The following CCDC171 variants were observed in gnomAD, a reference collection of about 807,000 sequenced individuals.
CCDC171 encodes the protein coiled-coil domain containing 171, also known as coiled-coil domain-containing protein 171.
CCDC171 carries 177 observed loss-of-function variants against 168.2 expected under a neutral mutation model. The ratio of observed to expected loss-of-function variants is 1.05; its 90% CI spans 0.93 to 1.19. CCDC171 has a LOEUF of 1.19. CCDC171 is among the 50% of genes most tolerant of loss of function. The pLI is 0.00. For synonymous variants in CCDC171, 687 were observed against 540.8 expected (o/e 1.27, Z -3.75); for missense variants, 1,991 against 1,539.0 (o/e 1.29, Z -4.91).
chr9:15,692,461 C>A (rs1488625077), intron 10 of CCDC171, among the ~76,000 whole-genome samples: 1 of 151,446 alleles, frequency 6.6e-6, no homozygotes, highest in African/African-American at 2.4e-5. Flanking sequence ...GAAAAAGGTT[C>A]TACAATGAAA....
intron 6 of CCDC171, among the ~76,000 whole-genome samples, chr9:15,617,685 G>A (rs919309910): frequency 1.3e-5 from 2 of 152,022 alleles, no homozygotes; most frequent in South Asian, 4.2e-4. Flanking sequence ...CTGTGGGGGG[G>A]GTTCTTGATG....
chr9:16,098,099 A>G, the CCDC171 span, among the ~76,000 whole-genome samples: 1 of 152,204 alleles, frequency 6.6e-6, no homozygotes, highest in Non-Finnish European at 1.5e-5. Context: ...AATGCAATCC[A>G]TTAGTTATTG....
chr9:15,611,755 A>G (rs2043714589), intron 6 of CCDC171, among the ~76,000 whole-genome samples: 1 of 152,140 alleles, frequency 6.6e-6, no homozygotes, highest in Non-Finnish European at 1.5e-5. Context: ...AGGCAACCCG[A>G]GAGTGTAAAG....
At chr9:16,029,177 T>A (rs10810518) in intron 6 of CCDC171, among the ~76,000 whole-genome samples, 56,578 of 151,838 alleles carry the variant, frequency 0.37, 12,435 homozygotes, top group East Asian at 0.66. Context: ...GAGAGAGAGG[T>A]CTTAGAAGGG....
intron 7 of CCDC171, among the ~76,000 whole-genome samples, chr9:15,625,967 A>C (rs995678063): frequency 2.0e-5 from 3 of 152,114 alleles, no homozygotes; most frequent in Admixed American, 1.3e-4. Context: ...ATGTTCTTCC[A>C]TTTGTTTGTG....
chr9:15,682,727 C>G (rs898388567), intron 10 of CCDC171, among the ~76,000 whole-genome samples: 4 of 151,716 alleles, frequency 2.6e-5, no homozygotes, highest in Admixed American at 2.0e-4. Flanking sequence ...CATCCAAGGA[C>G]TTAACAAATT....
At chr9:16,093,178 A>G in the CCDC171 span, among the ~76,000 whole-genome samples, 1 of 152,226 alleles carries the variant, frequency 6.6e-6, no homozygotes, top group African/African-American at 2.4e-5. Context: ...TAAAAGAAAA[A>G]CGGCTTTGTT....
intron 19 of CCDC171, among the ~76,000 whole-genome samples, chr9:15,778,665 A>AAG (rs1483818571): frequency 3.3e-5 from 5 of 149,986 alleles, no homozygotes; most frequent in East Asian, 3.9e-4. Flanking sequence ...AAAAAAAAAA[A>AAG]GGCATGACAT....
chr9:15,934,314 C>T (rs1826854918), intron 25 of CCDC171, among the ~76,000 whole-genome samples: 1 of 146,198 alleles, frequency 6.8e-6, no homozygotes, highest in Non-Finnish European at 1.5e-5. Flanking sequence ...TGCTTGAGCC[C>T]AGGAATTGAA....
chr9:15,647,433 C>A (rs1359375397), intron 7 of CCDC171, among the ~76,000 whole-genome samples: 1 of 151,952 alleles, frequency 6.6e-6, no homozygotes, highest in East Asian at 1.9e-4. Flanking sequence ...ACAAAAAACC[C>A]TTCAAAAAAT....
rs573750269 is a variant in CCDC171, at chr9:15,953,578, T to G, written c.3754-18031T>G. ...TTATTGTGCTGTTGAATTCAGTTGC[T>G]TGTATTTTGTTGAGGATTTTTGGGT... On this transcript the variant is annotated intron_variant, in intron 25 of 25. Transcript: ENST00000380701. Among the ~76,000 whole-genome samples the G allele has an allele frequency of 2.6e-5, 4 of 152,260 alleles. No homozygotes were observed. In the South Asian group the frequency reaches 8.3e-4, roughly 32 times the overall value.
At chr9:15,833,711 C>T (rs767732191) in intron 21 of CCDC171, among the ~76,000 whole-genome samples, 1 of 152,134 alleles carries the variant, frequency 6.6e-6, no homozygotes, top group Non-Finnish European at 1.5e-5. Context: ...AGCATTTGTC[C>T]TTGCATTAGA....
chr9:16,104,771 T>G, the CCDC171 span, among the ~76,000 whole-genome samples: 1 of 151,378 alleles, frequency 6.6e-6, no homozygotes, highest in African/African-American at 2.4e-5. Context: ...TCATTGAACA[T>G]GTACTATATG....
intron 21 of CCDC171, 50 bp downstream of exon 21, chr9:15,784,744 G>A: frequency 7.5e-7 from 1 of 1,328,296 alleles, no homozygotes; most frequent in Admixed American, 1.9e-5. Context: ...ATCTATGTGT[G>A]GATCTTAGAG....
intron 3 of CCDC171, among the ~76,000 whole-genome samples, chr9:16,000,536 C>T (rs980335777): frequency 3.6e-4 from 55 of 152,056 alleles, no homozygotes; most frequent in African/African-American, 2.4e-5. Context: ...AGGTGGGGAG[C>T]GATTGCAGAG....
At position 15,673,362 on chromosome 9, in the gene CCDC171, G is replaced by A. The variant is rs537301625; in HGVS notation, c.1077-5396G>A. Among the ~76,000 whole-genome samples, 6 of 152,226 alleles carry A rather than the reference G, an allele frequency of 3.9e-5. No homozygotes were observed. In the South Asian group the frequency reaches 1.2e-3, roughly 32 times the overall value. The stretch of plus-strand genomic sequence containing the variant: ...CTTTATTTCTTTCTCTTGCGTGATT[G>A]CCCTGGCCAGAAGTTCCAACACTAT... On this transcript the variant is annotated intron_variant, in intron 9 of 25. Coordinates refer to ENST00000380701, the MANE Select transcript of CCDC171 (RefSeq NM_173550.4).
the CCDC171 span, among the ~76,000 whole-genome samples, chr9:16,088,942 G>C: frequency 6.3e-4 from 96 of 152,202 alleles, no homozygotes; most frequent in African/African-American, 2.2e-3. Context: ...GAGGCATCTT[G>C]CTACCTGACT....
chr9:16,004,901 A>T (rs1010454247), intron 3 of CCDC171, among the ~76,000 whole-genome samples: 2 of 152,156 alleles, frequency 1.3e-5, no homozygotes, highest in Admixed American at 1.3e-4. Context: ...CCTTGGAAGG[A>T]TGAGATGTCC....
chr9:16,030,482 G>A (rs1369819046), intron 6 of CCDC171, among the ~76,000 whole-genome samples: 2 of 152,176 alleles, frequency 1.3e-5, no homozygotes, highest in Non-Finnish European at 2.9e-5. Context: ...GGTGTGTACT[G>A]TTCAATTTAT....
Sources: gnomAD v4.1 joint callset for allele counts (sites outside exome capture counted in the v4.1 genomes callset) on GRCh38, gnomAD v4.1.1 for gene constraint, MANE v1.5 for transcripts, NCBI Gene and HGNC (gene_info 2026-07-23, HGNC 2026-07-21) for gene names.